Variants in RAP1GDS1 observed in about 807,000 individuals in gnomAD.
The protein encoded by RAP1GDS1 is Rap1 GTPase-GDP dissociation stimulator 1.
RAP1GDS1 carries 35 observed loss-of-function variants against 71.1 expected under a neutral mutation model. The ratio of observed to expected loss-of-function variants is 0.49; its 90% CI spans 0.38 to 0.65. The LOEUF (loss-of-function observed/expected upper bound fraction) is 0.65. Ranked by LOEUF, RAP1GDS1 falls within the 30% of genes least tolerant of loss-of-function variation. The probability of loss-of-function intolerance (pLI) is 0.00; values close to 1 mark genes in which losing one functional copy is unlikely to be tolerated. For synonymous variants in RAP1GDS1, 229 were observed against 243.1 expected, an observed-to-expected ratio of 0.94 and a Z score of 0.54; for missense variants, 663 against 706.1, an observed-to-expected ratio of 0.94 and a Z score of 0.69.
At chr4:98,395,756 C>G (rs1338238240) in intron 6 of RAP1GDS1, among the ~76,000 whole-genome samples, 1 of 152,112 alleles carries the variant, frequency 6.6e-6, no homozygotes, top group Non-Finnish European at 1.5e-5. Flanking sequence ...TTTTGAGTAT[C>G]TCAATGGATA....
chr4:98,369,837 T>C (rs1185131975), intron 4 of RAP1GDS1, among the ~76,000 whole-genome samples: 1 of 152,196 alleles, frequency 6.6e-6, no homozygotes, highest in Non-Finnish European at 1.5e-5. Context: ...TGTAGTTTAT[T>C]TTACCTACAT....
At chr4:98,283,701 T>C (rs1303346068) in intron 1 of RAP1GDS1, among the ~76,000 whole-genome samples, 1 of 152,156 alleles carries the variant, frequency 6.6e-6, no homozygotes, top group Non-Finnish European at 1.5e-5. Flanking sequence ...TCTGGAACTT[T>C]TTCTAGAATT....
chr4:98,328,907 T>G (rs1361033553), intron 2 of RAP1GDS1, among the ~76,000 whole-genome samples: 1 of 152,268 alleles, frequency 6.6e-6, no homozygotes, highest in African/African-American at 2.4e-5. Context: ...ATTCCCAGAT[T>G]TAAAAACTCT....
chr4:98,281,519 G>A (rs900935267), intron 1 of RAP1GDS1, among the ~76,000 whole-genome samples: 1 of 152,118 alleles, frequency 6.6e-6, no homozygotes, highest in Admixed American at 6.5e-5. Context: ...CTGAGATGAT[G>A]GGGTTTTCTA....
At chr4:98,399,504 G>T (rs1745050706) in intron 6 of RAP1GDS1, among the ~76,000 whole-genome samples, 2 of 152,050 alleles carry the variant, frequency 1.3e-5, no homozygotes, top group Non-Finnish European at 1.5e-5. Context: ...ATGCTTCCCA[G>T]GCTGGTCTTG....
At chr4:98,319,349 T>C (rs190912133) in intron 2 of RAP1GDS1, among the ~76,000 whole-genome samples, 1 of 152,362 alleles carries the variant, frequency 6.6e-6, no homozygotes, top group Non-Finnish European at 1.5e-5. Flanking sequence ...CATATATTTC[T>C]TTGAAAAAGC....
In RAP1GDS1 at chr4:98,443,766, T is replaced by G. The variant is rs1752144279; in HGVS notation, c.*1649T>G. On this transcript the variant is annotated 3_prime_UTR_variant, in exon 15 of 15. Coordinates refer to ENST00000408927, the MANE Select transcript of RAP1GDS1 (RefSeq NM_001100427.2). ...TTTGTTGTCTTTCTCCTGGGCTGGA[T>G]AGTGGACTATATTTTATTACAGGCT... The G allele has an allele frequency of 5.3e-6, 1 of 188,194 alleles. No individual in the cohort carries two copies. The highest frequency in any genetic ancestry group is 2.3e-5 in the African/African-American group (1 of 42,782). 11.7% of individuals were successfully genotyped at this position (188,194 alleles called of 1,614,324 possible).
chr4:98,380,205 G>A (rs969256402), intron 5 of RAP1GDS1, among the ~76,000 whole-genome samples: 3 of 151,682 alleles, frequency 2.0e-5, no homozygotes, highest in Non-Finnish European at 4.4e-5. Context: ...CTATTGAAAG[G>A]GGAAAACCAC....
At chr4:98,355,519 C>T (rs1163496115) in intron 4 of RAP1GDS1, among the ~76,000 whole-genome samples, 3 of 152,094 alleles carry the variant, frequency 2.0e-5, no homozygotes, top group Non-Finnish European at 4.4e-5. Context: ...GATCACTTCT[C>T]GGCCTGTTGG....
chr4:98,363,866 A>AAGG (rs1417572293), intron 4 of RAP1GDS1, among the ~76,000 whole-genome samples: 1 of 152,134 alleles, frequency 6.6e-6, no homozygotes, highest in Non-Finnish European at 1.5e-5. Context: ...GGTAGTGTGG[A>AAGG]AGGAGGAGGA....
At chr4:98,295,331 G>T (rs1031404341) in intron 2 of RAP1GDS1, among the ~76,000 whole-genome samples, 1 of 152,090 alleles carries the variant, frequency 6.6e-6, no homozygotes, top group African/African-American at 2.4e-5. Flanking sequence ...AACTAATGAT[G>T]CCCCAGGAAG....
At chr4:98,394,631 C>T (rs1744244685) in intron 6 of RAP1GDS1, among the ~76,000 whole-genome samples, 1 of 152,042 alleles carries the variant, frequency 6.6e-6, no homozygotes, top group African/African-American at 2.4e-5. Flanking sequence ...AATTTAGGAT[C>T]ATACATACAG....
At chr4:98,292,275 A>G (rs1580066) in intron 1 of RAP1GDS1, among the ~76,000 whole-genome samples, 22,313 of 151,808 alleles carry the variant, frequency 0.15, 2,445 homozygotes, top group African/African-American at 0.3. Flanking sequence ...ATACAGGCAC[A>G]TGCCACCATA....
intron 1 of RAP1GDS1, among the ~76,000 whole-genome samples, chr4:98,262,526 G>A (rs1315012107): frequency 9.2e-5 from 14 of 152,204 alleles, no homozygotes; most frequent in African/African-American, 2.9e-4. Context: ...AACGTCTGAT[G>A]AATGCTGTCA....
At chr4:98,282,707 A>T (rs985194479) in intron 1 of RAP1GDS1, among the ~76,000 whole-genome samples, 1 of 150,500 alleles carries the variant, frequency 6.6e-6, no homozygotes, top group African/African-American at 2.4e-5. Context: ...TTTAATTGTG[A>T]TGTTAGAATG....
intron 4 of RAP1GDS1, among the ~76,000 whole-genome samples, chr4:98,374,985 T>G (rs1740953902): frequency 6.6e-6 from 1 of 152,172 alleles, no homozygotes; most frequent in South Asian, 2.1e-4. Flanking sequence ...TTTCACAGTG[T>G]TGTATTATAT....
At chr4:98,343,646 T>A (rs1325710267) in intron 3 of RAP1GDS1, among the ~76,000 whole-genome samples, 1 of 152,234 alleles carries the variant, frequency 6.6e-6, no homozygotes, top group African/African-American at 2.4e-5. Context: ...ACTGTTCTTT[T>A]TTAGTTTGGC....
intron 7 of RAP1GDS1, among the ~76,000 whole-genome samples, chr4:98,406,809 T>C (rs1252586275): frequency 6.6e-6 from 1 of 152,094 alleles, no homozygotes; most frequent in African/African-American, 2.4e-5. Context: ...AAGTGAGTTG[T>C]CTAGTAACCA....
At chr4:98,342,520 TG>T (rs1735632666) in intron 2 of RAP1GDS1, among the ~76,000 whole-genome samples, 1 of 152,054 alleles carries the variant, frequency 6.6e-6, no homozygotes, top group South Asian at 2.1e-4. Context: ...AGGAAAGAAG[TG>T]GGGGCCTCTT....
Sources: allele counts gnomAD v4.1 joint callset (sites outside exome capture counted in the v4.1 genomes callset), GRCh38; gene constraint gnomAD v4.1.1; transcripts MANE v1.5; gene names NCBI Gene and HGNC (gene_info 2026-07-23, HGNC 2026-07-21).